The following ADD3 variants were observed in gnomAD, a reference collection of about 807,000 sequenced individuals.
ADD3 encodes adducin 3, also known as gamma-adducin.
A neutral mutation model predicts 80.2 loss-of-function variants in ADD3; 25 were observed. That is an observed-to-expected ratio of 0.31 (90% CI 0.23 to 0.44). The LOEUF (loss-of-function observed/expected upper bound fraction) is 0.44, where lower values mean the gene tolerates loss of function less well. Ranked by LOEUF, ADD3 falls within the 20% of genes least tolerant of loss-of-function variation. ADD3 has a pLI of 1.00. For synonymous variants in ADD3, 284 were observed against 289.6 expected (o/e 0.98, Z 0.20); for missense variants, 829 against 847.5 (o/e 0.98, Z 0.27).
At chr10:110,123,648 C>T (rs1328941939) in intron 9 of ADD3, among the ~76,000 whole-genome samples, 1 of 152,154 alleles carries the variant, frequency 6.6e-6, no homozygotes, top group African/African-American at 2.4e-5. Flanking sequence ...TCTGTGAAGG[C>T]TCAGAAGGCT....
chr10:110,004,991 G>C (rs1314053134), upstream of ADD3, among the ~76,000 whole-genome samples: 1 of 152,092 alleles, frequency 6.6e-6, no homozygotes, highest in African/African-American at 2.4e-5. Context: ...CACTGAAATA[G>C]CATTAATACT....
chr10:110,063,377 C>A (rs1215748930), intron 1 of ADD3, among the ~76,000 whole-genome samples: 1 of 152,030 alleles, frequency 6.6e-6, no homozygotes, highest in Non-Finnish European at 1.5e-5. Flanking sequence ...TCTTGAATTT[C>A]TTTATTTATT....
chr10:110,089,442 C>T (rs1371340903), intron 1 of ADD3, among the ~76,000 whole-genome samples: 1 of 152,074 alleles, frequency 6.6e-6, no homozygotes, highest in Non-Finnish European at 1.5e-5. Context: ...TAGTCTCTGT[C>T]AGCTTTCTCT....
intron 1 of ADD3, among the ~76,000 whole-genome samples, chr10:110,078,154 A>C (rs1845594701): frequency 6.6e-6 from 1 of 152,164 alleles, no homozygotes; most frequent in Admixed American, 6.5e-5. Flanking sequence ...CTGACTTCTA[A>C]CTTCATAAGG....
At chr10:110,029,471 G>A (rs1260027819) in intron 1 of ADD3, among the ~76,000 whole-genome samples, 3 of 152,182 alleles carry the variant, frequency 2.0e-5, no homozygotes, top group Non-Finnish European at 2.9e-5. Flanking sequence ...CTGTTAAGGA[G>A]AAGTCCTCCT....
chr10:110,127,915 A>G (rs530851601), intron 12 of ADD3, among the ~76,000 whole-genome samples: 22 of 152,348 alleles, frequency 1.4e-4, no homozygotes, highest in Admixed American at 1.2e-3. Context: ...CCTTTATTCT[A>G]TCTTCAAATG....
At position 110,135,465 on chromosome 10, in the gene ADD3, C is replaced by T. The variant is rs146310933; in HGVS notation, c.*1847C>T. ...TTGGCATAAAGAATGAGCCAATGAA[C>T]CTCTGTGTCCTGTGGAAAAATGTAT... On this transcript the variant is annotated 3_prime_UTR_variant, in exon 15 of 15. Coordinates refer to ENST00000356080, the MANE Select transcript of ADD3 (RefSeq NM_016824.5). 3.9e-5 allele frequency: 6 copies of T among 152,634 alleles called. No homozygotes were observed. The East Asian group carries it at 1.2e-3, about 29-fold the overall frequency. 9.5% of individuals were successfully genotyped at this position (152,634 alleles called of 1,614,324 possible). A position where few individuals can be genotyped will look rare whatever the true frequency, so the allele number is the denominator to read the frequency against.
intron 1 of ADD3, among the ~76,000 whole-genome samples, chr10:110,081,932 A>G (rs1271054075): frequency 7.2e-5 from 11 of 152,210 alleles, no homozygotes; most frequent in African/African-American, 2.4e-4. Flanking sequence ...AAACAGTCCT[A>G]TGGTGGCAAA....
upstream of ADD3, among the ~76,000 whole-genome samples, chr10:110,002,296 C>T (rs111524597): frequency 2.0e-5 from 3 of 151,490 alleles, no homozygotes; most frequent in African/African-American, 7.3e-5. Context: ...TTTTTTGAGA[C>T]GGAGTCTCGC....
chr10:110,119,485 A>G lies in ADD3; in HGVS notation c.881A>G (p.His294Arg). ...PSCKVLVLRN[H>R]GVVALGETLE... ...TTTTAGGTGCTGGTACTCAGGAATC[A>G]TGGTGTGGTTGCACTTGGAGAAACA... The change falls in exon 8 of 15, where the codon CAT (histidine) becomes CGT (arginine). Residue 294 changes from histidine (H) to arginine (R), a missense_variant. His to Arg is a conservative substitution (Grantham distance 29, BLOSUM62 0). Coordinates refer to ENST00000356080, the MANE Select transcript of ADD3 (RefSeq NM_016824.5). The G allele has an allele frequency of 6.2e-7, 1 of 1,614,172 alleles. No homozygotes were observed. The highest frequency in any genetic ancestry group is 8.5e-7 in the Non-Finnish European group (1 of 1,180,006).
chr10:110,073,138 CTTTTT>C (rs1189793476), intron 1 of ADD3, among the ~76,000 whole-genome samples: 1,977 of 94,212 alleles, frequency 0.021, 63 homozygotes, highest in African/African-American at 0.084. Flanking sequence ...TTTTAGTTTT[CTTTTT>C]TTTTTTTTTT....
In ADD3 at chr10:110,135,120, GCT is replaced by G. The variant is rs1410432642; in HGVS notation, c.*1505_*1506del. 1 of 152,246 alleles carries G rather than the reference GCT, an allele frequency of 6.6e-6. No homozygotes were observed. The highest frequency in any genetic ancestry group is 1.9e-4 in the East Asian group (1 of 5,192). 9.4% of individuals were successfully genotyped at this position (152,246 alleles called of 1,614,324 possible). ...TTGATTACAGTGTGTTTTGGAGCTG[GCT>G]CTGTTTGTGTGCATATGATAATGCA... On this transcript the variant is annotated 3_prime_UTR_variant, in exon 15 of 15. Coordinates refer to ENST00000356080, the MANE Select transcript of ADD3 (RefSeq NM_016824.5).
chr10:110,103,650 G>T (rs537965135), intron 2 of ADD3, among the ~76,000 whole-genome samples: 2 of 152,150 alleles, frequency 1.3e-5, no homozygotes, highest in Non-Finnish European at 2.9e-5. Context: ...TGCTCCAGGG[G>T]AGAGAAATTA....
chr10:110,121,437 C>T (rs547404136), intron 8 of ADD3, among the ~76,000 whole-genome samples: 16 of 152,132 alleles, frequency 1.1e-4, no homozygotes, highest in East Asian at 1.9e-4. Context: ...GAGCCGATAT[C>T]GTGCCATTGC....
intron 11 of ADD3, 122 bp from the exon 12 acceptor site, chr10:110,126,295 T>C (rs779757207): frequency 2.9e-6 from 2 of 699,940 alleles, no homozygotes; most frequent in Non-Finnish European, 4.8e-6. Context: ...TTTATGGAGG[T>C]GGGAATTGAA....
chr10:110,018,451 C>G (rs1853254509), intron 1 of ADD3, among the ~76,000 whole-genome samples: 1 of 145,298 alleles, frequency 6.9e-6, no homozygotes, highest in Non-Finnish European at 1.5e-5. Context: ...TCGCTTGAAC[C>G]TGGGAGGCGG....
chr10:110,075,604 C>T (rs1845300358), intron 1 of ADD3: 1 of 152,210 alleles, frequency 6.6e-6, no homozygotes. Flanking sequence ...CTTCTCTTGT[C>T]ATTTCCTTTG....
upstream of ADD3, among the ~76,000 whole-genome samples, chr10:110,007,234 CG>C (rs544277906): frequency 1.2e-3 from 183 of 152,204 alleles, 2 homozygotes; most frequent in South Asian, 0.018. Flanking sequence ...GGAGCCAAAG[CG>C]GGAGTGAAGA....
intron 1 of ADD3, among the ~76,000 whole-genome samples, chr10:110,041,869 C>A (rs1856406304): frequency 6.6e-6 from 1 of 152,166 alleles, no homozygotes; most frequent in Non-Finnish European, 1.5e-5. Context: ...TTTTAAAATT[C>A]TTTTGGGATC....
Sources: allele counts gnomAD v4.1 joint callset (sites outside exome capture counted in the v4.1 genomes callset), GRCh38; gene constraint gnomAD v4.1.1; transcripts MANE v1.5; gene names NCBI Gene and HGNC (gene_info 2026-07-23, HGNC 2026-07-21).